The following USP6NL variants were observed in gnomAD, a reference collection of about 807,000 sequenced individuals.
USP6NL encodes USP6 N-terminal-like protein.
In USP6NL, 26 loss-of-function variants were observed where a neutral mutation model predicts 61.9. The ratio of observed to expected loss-of-function variants is 0.42; its 90% CI spans 0.31 to 0.58. USP6NL has a LOEUF of 0.58. Ranked by LOEUF, USP6NL falls within the 20% of genes least tolerant of loss-of-function variation. The probability of loss-of-function intolerance (pLI) is 0.16; values close to 1 mark genes in which losing one functional copy is unlikely to be tolerated. For synonymous variants in USP6NL, 432 were observed against 390.1 expected, an observed-to-expected ratio of 1.11 and a Z score of -1.27; for missense variants, 1,114 against 1,034.3, an observed-to-expected ratio of 1.08 and a Z score of -1.06.
rs370075192 is a variant in USP6NL at position 11,540,416 on chromosome 10, T to G, written c.5-12849A>C. ...CTAAAACACTTTATCCTTTTAGTAT[T>G]ACTAAAGCAACTGCCTTCATGATTA... On this transcript the variant is annotated intron_variant, in intron 2 of 14. Transcript: ENST00000609104. The surrounding 1 kb of genome is among the most constrained non-coding windows in gnomAD (Gnocchi z 5.0). Among the ~76,000 whole-genome samples the G allele has an allele frequency of 4.6e-5, 7 of 152,202 alleles. No individual in the cohort carries two copies. The highest frequency in any genetic ancestry group is 3.9e-4 in the Admixed American group (6 of 15,288).
chr10:11,478,649 T>C lies in USP6NL; in HGVS notation c.1078+3121A>G, dbSNP rs1566120508. On this transcript the variant is annotated intron_variant, in intron 14 of 14. Transcript: ENST00000609104. The surrounding 1 kb of genome is among the most constrained non-coding windows in gnomAD (Gnocchi z 6.8). ...GTAACTGGAGGCCGGATACTCCTGT[T>C]ATCCTAGCACTTTGGGAGGCTGAGG... 6.6e-6 allele frequency among the ~76,000 whole-genome samples: 1 copy of C among 152,282 alleles called. No individual in the cohort carries two copies. Among genetic ancestry groups the C allele is most frequent in the East Asian group, 1.9e-4 (1 of 5,182 alleles).
chr10:11,610,795 A>G (rs186880637), intron 1 of USP6NL, among the ~76,000 whole-genome samples: 64 of 152,220 alleles, frequency 4.2e-4, no homozygotes, highest in African/African-American at 1.4e-3. Context: ...GGGGAGAGAC[A>G]ACATTTTCAA....
intron 2 of USP6NL, among the ~76,000 whole-genome samples, chr10:11,538,188 T>C (rs1213373608): frequency 1.3e-5 from 2 of 152,232 alleles, no homozygotes; most frequent in African/African-American, 2.4e-5. Flanking sequence ...AACAAAATAA[T>C]TTTTAAAGTC....
At chr10:11,572,510 T>C (rs909158306) in intron 2 of USP6NL, among the ~76,000 whole-genome samples, 1 of 151,884 alleles carries the variant, frequency 6.6e-6, no homozygotes, top group Non-Finnish European at 1.5e-5. Flanking sequence ...AAAGACAAGA[T>C]GTCTAAGATT....
chr10:11,464,447 C>T (rs1040817289), intron 14 of USP6NL, among the ~76,000 whole-genome samples: 1 of 152,176 alleles, frequency 6.6e-6, no homozygotes, highest in Non-Finnish European at 1.5e-5. Context: ...CTACTATTTT[C>T]CCACATTTTG....
In USP6NL at chr10:11,609,744, T is replaced by C. The variant is rs537723942; in HGVS notation, c.-84+1699A>G. Reference sequence around the variant, plus strand: ...GGACCAAGGCAACCCTTGCTTGGCATTGGAGACTCAGGTTGGATCTGCTGG... The same window carrying C: ...GGACCAAGGCAACCCTTGCTTGGCACTGGAGACTCAGGTTGGATCTGCTGG... On this transcript the variant is annotated intron_variant, in intron 1 of 14. Coordinates refer to ENST00000609104, the MANE Select transcript of USP6NL (RefSeq NM_014688.5). Among the ~76,000 whole-genome samples the C allele has an allele frequency of 4.6e-5, 7 of 152,342 alleles. No individual in the cohort carries two copies. The East Asian group carries it at 9.6e-4, about 21-fold the overall frequency.
chr10:11,522,392 A>G (rs1193028919), intron 4 of USP6NL, among the ~76,000 whole-genome samples: 1 of 152,224 alleles, frequency 6.6e-6, no homozygotes, highest in African/African-American at 2.4e-5. Context: ...TAATATCTAC[A>G]TGCTTACACC....
intron 2 of USP6NL, among the ~76,000 whole-genome samples, chr10:11,542,800 A>G (rs568358323): frequency 3.2e-4 from 48 of 152,262 alleles, no homozygotes; most frequent in South Asian, 8.3e-4. Flanking sequence ...TTACAATAAA[A>G]AGTCAGAGAC....
rs984009718 is a variant in USP6NL, at chr10:11,600,741, G to A, written c.-83-3024C>T. ...TCCCAGCACTTTGGGAGGCCGAGGCGGGTGGATCACGAGGTCAGGAGTTCA... is the reference window on the plus strand; with the variant it reads ...TCCCAGCACTTTGGGAGGCCGAGGCAGGTGGATCACGAGGTCAGGAGTTCA... On this transcript the variant is annotated intron_variant, in intron 1 of 14. Coordinates refer to ENST00000609104, the MANE Select transcript of USP6NL (RefSeq NM_014688.5). The surrounding 1 kb of genome is among the most constrained non-coding windows in gnomAD (Gnocchi z 4.1). Among the ~76,000 whole-genome samples the A allele has an allele frequency of 1.2e-4, 18 of 152,230 alleles. No individual in the cohort carries two copies. In the East Asian group the frequency reaches 1.4e-3, roughly 11 times the overall value.
At position 11,528,619 on chromosome 10, in the gene USP6NL, G is replaced by A. The variant is rs1425630584; in HGVS notation, c.5-1052C>T. 1.3e-5 allele frequency among the ~76,000 whole-genome samples: 2 copies of A among 152,166 alleles called. No individual in the cohort carries two copies. Among genetic ancestry groups the A allele is most frequent in the Non-Finnish European group, 2.9e-5 (2 of 68,036 alleles). On this transcript the variant is annotated intron_variant, in intron 2 of 14. Transcript: ENST00000609104. This position sits in a 1 kb window ranked among gnomAD's most constrained non-coding sequence, Gnocchi z 4.6. ...ACAGTTTTCAAATCCAGACAGTCTTGACTCCACAGCCCACAATTTTAATTA... is the reference window on the plus strand; with the variant it reads ...ACAGTTTTCAAATCCAGACAGTCTTAACTCCACAGCCCACAATTTTAATTA...
chr10:11,536,581 A>T, intron 2 of USP6NL, among the ~76,000 whole-genome samples: 1 of 152,196 alleles, frequency 6.6e-6, no homozygotes, highest in East Asian at 1.9e-4. Flanking sequence ...ACCCGCTTGT[A>T]ACTGCTGCTA....
intron 5 of USP6NL, among the ~76,000 whole-genome samples, chr10:11,517,551 T>C (rs1835009078): frequency 1.3e-5 from 2 of 152,230 alleles, no homozygotes; most frequent in South Asian, 2.1e-4. Context: ...TTCAATTATG[T>C]AGATATTAAA....
Position 11,543,379 on chromosome 10 carries a change from A to G in USP6NL, c.5-15812T>C, listed in dbSNP as rs1269877725. Among the ~76,000 whole-genome samples, 455 of 152,050 alleles carry G rather than the reference A, an allele frequency of 3.0e-3. 3 individuals are homozygous for G. The highest frequency in any genetic ancestry group is 0.011 in the African/African-American group (443 of 41,480). Reference sequence around the variant, plus strand: ...ACACGGTGAAACCCCGTCTCTACTAAAAAACACAAAAAATTAGCCAGGCAT... The same window carrying G: ...ACACGGTGAAACCCCGTCTCTACTAGAAAACACAAAAAATTAGCCAGGCAT... On this transcript the variant is annotated intron_variant, in intron 2 of 14. Transcript: ENST00000609104.
chr10:11,596,516 C>T lies in USP6NL; in HGVS notation c.4+1115G>A, dbSNP rs1260916021. Among the ~76,000 whole-genome samples the T allele has an allele frequency of 2.0e-5, 3 of 150,966 alleles. No individual in the cohort carries two copies. The highest frequency in any genetic ancestry group is 2.0e-4 in the East Asian group (1 of 5,072). On this transcript the variant is annotated intron_variant, in intron 2 of 14. Coordinates refer to ENST00000609104, the MANE Select transcript of USP6NL (RefSeq NM_014688.5). The surrounding 1 kb of genome is among the most constrained non-coding windows in gnomAD (Gnocchi z 4.1). ...GCGGGCGCCTGTAGTCCCAGCTACT[C>T]GGGAGGCTGAGGCAGGAGAATGGCG...
rs759557525 is a variant in USP6NL at position 11,462,835 on chromosome 10, A to G, written c.2093T>C (p.Ile698Thr). The change falls in exon 15 of 15, where the codon ATA (isoleucine) becomes ACA (threonine). Residue 698 changes from isoleucine to threonine, a missense_variant. Transcript: ENST00000609104. ...ACCAGTGTCAACAGGGAGGACTTCT[A>G]TTCGACTAGACGGCAGTACAAGGGG... is the stretch of plus-strand genomic sequence containing the variant. ...PSPLVLPSSR[I>T]EVLPVDTGAG... The G allele has an allele frequency of 1.2e-6, 2 of 1,613,878 alleles. No homozygotes were observed. The highest frequency in any genetic ancestry group is 1.7e-6 in the Non-Finnish European group (2 of 1,179,906).
chr10:11,506,636 C>G (rs1834447105), intron 6 of USP6NL, among the ~76,000 whole-genome samples: 1 of 151,808 alleles, frequency 6.6e-6, no homozygotes, highest in South Asian at 2.1e-4. Flanking sequence ...GCAACAGAGA[C>G]CGTGTCTCTC....
Position 11,462,968 on chromosome 10 carries a change from C to T in USP6NL, c.1960G>A (p.Ala654Thr). 6.2e-7 allele frequency: 1 copy of T among 1,613,714 alleles called. No individual in the cohort carries two copies. ...GTCCCAGGGCTAAACTGTGGAGAAGCAAAGCTGCTGTTGGCAGTAGGGAAG... is the reference window on the plus strand; with the variant it reads ...GTCCCAGGGCTAAACTGTGGAGAAGTAAAGCTGCTGTTGGCAGTAGGGAAG... ...KHFPTANSSF[A>T]SPQFSPGTQL... Residue 654 changes from alanine to threonine, a missense_variant, in exon 15 of 15, where the codon GCT becomes ACT. Coordinates refer to ENST00000609104, the MANE Select transcript of USP6NL (RefSeq NM_014688.5).
rs1018639293 is a variant in USP6NL at position 11,474,933 on chromosome 10, C to T, written c.1078+6837G>A. ...ACACTAAGGAGTGTGGATGTTCTCC[C>T]GTAAGCACTGAAGTACCCCGAAGGC... On this transcript the variant is annotated intron_variant, in intron 14 of 14. Transcript: ENST00000609104. The surrounding 1 kb of genome is among the most constrained non-coding windows in gnomAD (Gnocchi z 4.9). 5.3e-5 allele frequency among the ~76,000 whole-genome samples: 8 copies of T among 152,096 alleles called. No individual in the cohort carries two copies. The highest frequency in any genetic ancestry group is 1.0e-4 in the Non-Finnish European group (7 of 68,002).
Position 11,562,206 on chromosome 10 carries a change from G to A in USP6NL, c.5-34639C>T, listed in dbSNP as rs1439663903. 6.6e-6 allele frequency among the ~76,000 whole-genome samples: 1 copy of A among 150,728 alleles called. No homozygotes were observed. Among genetic ancestry groups the A allele is most frequent in the Non-Finnish European group, 1.5e-5 (1 of 67,830 alleles). ...GAAGCCGGTAGGCGGAGGTTGCAGT[G>A]AGCCGAGATCGCACCACTGCACGCC... On this transcript the variant is annotated intron_variant, in intron 2 of 14. Coordinates refer to ENST00000609104, the MANE Select transcript of USP6NL (RefSeq NM_014688.5). The surrounding 1 kb of genome is among the most constrained non-coding windows in gnomAD (Gnocchi z 4.8).
Sources: gnomAD v4.1 joint callset for allele counts (sites outside exome capture counted in the v4.1 genomes callset) on GRCh38, gnomAD v4.1.1 for gene constraint, Gnocchi (gnomAD v3.1) non-coding constraint, MANE v1.5 for transcripts, NCBI Gene and HGNC (gene_info 2026-07-23, HGNC 2026-07-21) for gene names.